The following SPDYE1 variants were observed in gnomAD, a reference collection of about 807,000 sequenced individuals.
SPDYE1 encodes the protein speedy protein E1.
In SPDYE1, 29 loss-of-function variants were observed where a neutral mutation model predicts 45.9. The observed-to-expected ratio is 0.63, with a 90% CI of 0.47 to 0.86. The LOEUF is 0.86. Among genes scored for constraint, SPDYE1 ranks in the 40% least tolerant of loss-of-function variants. The pLI is 0.00. For missense variants in SPDYE1, 346 were observed against 481.4 expected, an observed-to-expected ratio of 0.72 and a Z score of 2.63; for synonymous variants, 134 against 176.8, an observed-to-expected ratio of 0.76 and a Z score of 1.92.
Position 44,009,829 on chromosome 7 carries a change from G to A in SPDYE1, c.*1208G>A, listed in dbSNP as rs551582946. 61 of 151,500 alleles carry A rather than the reference G, an allele frequency of 4.0e-4. No homozygotes were observed. The highest frequency in any genetic ancestry group is 1.7e-3 in the South Asian group (8 of 4,810). The allele number at this position is 151,500 out of a possible 1,614,324, so 9.4% of individuals were successfully genotyped here. A position where few individuals can be genotyped will look rare whatever the true frequency, so the allele number is the denominator to read the frequency against. Reference sequence around the variant, plus strand: ...TCAATCTTTGTATCTATTATTACACGTGCTGCTGAAGGGAGCATGGTTTTT... The same window carrying A: ...TCAATCTTTGTATCTATTATTACACATGCTGCTGAAGGGAGCATGGTTTTT... On this transcript the variant is annotated 3_prime_UTR_variant, in exon 9 of 9. Transcript: ENST00000693451.
intron 6 of SPDYE1, chr7:44,005,484 C>A: frequency 1.9e-6 from 1 of 539,528 alleles, no homozygotes; most frequent in Non-Finnish European, 3.2e-6. Flanking sequence ...TCGAGACCAG[C>A]CTGGCCAACA....
chr7:44,005,201 C>T lies in SPDYE1; in HGVS notation c.726C>T (p.Tyr242=). Residue 242 remains tyrosine, a synonymous_variant, in exon 6 of 9, where the codon TAC becomes TAT. Coordinates refer to ENST00000693451, the MANE Select transcript of SPDYE1 (RefSeq NM_001378423.2). ...GAGCCGGCTTCCCCTCCTGGCAATACCAACGCCTTCATTTCTTCCTGGCTC... is the reference window on the plus strand; with the variant it reads ...GAGCCGGCTTCCCCTCCTGGCAATATCAACGCCTTCATTTCTTCCTGGCTC... ...FSRAGFPSWQ[Y]QRLHFFLALY... 1 of 1,612,026 alleles carries T rather than the reference C, an allele frequency of 6.2e-7. No homozygotes were observed. The highest frequency in any genetic ancestry group is 1.1e-5 in the South Asian group (1 of 90,990).
chr7:44,002,332 A>AAT (rs1554300930), intron 3 of SPDYE1, among the ~76,000 whole-genome samples: 1 of 134,322 alleles, frequency 7.4e-6, no homozygotes, highest in Non-Finnish European at 1.6e-5. Flanking sequence ...AAAAAAAAAA[A>AAT]AAAAAAAAGG....
At chr7:43,999,265 CT>C (rs1402749583) in intron 1 of SPDYE1, among the ~76,000 whole-genome samples, 1 of 152,112 alleles carries the variant, frequency 6.6e-6, no homozygotes, top group East Asian at 1.9e-4. Flanking sequence ...TCAAAATTGC[CT>C]TAGGGCAGAG....
Position 44,007,366 on chromosome 7 carries a change from G to T in SPDYE1, c.851G>T (p.Arg284Leu). The T allele has an allele frequency of 6.2e-7, 1 of 1,613,658 alleles. No homozygotes were observed. The highest frequency in any genetic ancestry group is 8.5e-7 in the Non-Finnish European group (1 of 1,179,976). The change falls in exon 7 of 9, where the codon CGT becomes CTT. Residue 284 changes from arginine to leucine, a missense_variant. Coordinates refer to ENST00000693451, the MANE Select transcript of SPDYE1 (RefSeq NM_001378423.2). ...AACCGCTCTCGCATACCCTTGCTCCGTAAGCGTCGGTTCCAGTTATACCGT... is the reference window on the plus strand; with the variant it reads ...AACCGCTCTCGCATACCCTTGCTCCTTAAGCGTCGGTTCCAGTTATACCGT... ...GKNRSRIPLL[R>L]KRRFQLYRSM...
rs780226780 is a variant in SPDYE1 at position 44,002,763 on chromosome 7, C to T, written c.553C>T (p.Arg185Trp). ...LCGLKMKLKR[R>W]RVSLVLPEHH... ...TGGCCTCAAGATGAAGCTGAAGCGA[C>T]GGCGAGTGTCGCTCGTGCTCCCTGA... The change falls in exon 4 of 9, where the codon CGG (arginine) becomes TGG (tryptophan). Residue 185 changes from arginine to tryptophan, a missense_variant. By Grantham distance (101) the Arg-to-Trp change is moderately radical. Coordinates refer to ENST00000693451, the MANE Select transcript of SPDYE1 (RefSeq NM_001378423.2). 4.0e-5 allele frequency: 62 copies of T among 1,565,534 alleles called. No homozygotes were observed. The highest frequency in any genetic ancestry group is 2.1e-5 in the Non-Finnish European group (25 of 1,167,230).
At position 44,002,797 on chromosome 7, in the gene SPDYE1, A is replaced by T; in HGVS notation, c.587A>T (p.Glu196Val). 1 of 1,530,714 alleles carries T rather than the reference A, an allele frequency of 6.5e-7. No homozygotes were observed. The highest frequency in any genetic ancestry group is 8.7e-7 in the Non-Finnish European group (1 of 1,151,658). 94.8% of individuals were successfully genotyped at this position (1,530,714 alleles called of 1,614,324 possible). ...TCGCTCGTGCTCCCTGAGCACCACG[A>T]GGCCTTCAACAGGCTGCTTGGTAGG... ...RVSLVLPEHH[E>V]AFNRLLEDPV... Residue 196 changes from glutamate (E) to valine (V), a missense_variant, in exon 4 of 9, where the codon GAG becomes GTG. By Grantham distance (121) the Glu-to-Val change is moderately radical. This residue lies in a region of SPDYE1 where 141 missense variants were observed against 176.7 expected (regional missense o/e 0.80). Coordinates refer to ENST00000693451, the MANE Select transcript of SPDYE1 (RefSeq NM_001378423.2).
rs781157098 is a variant in SPDYE1 at position 44,001,833 on chromosome 7, G to A, written c.379+549G>A. Among the ~76,000 whole-genome samples, 46 of 152,112 alleles carry A rather than the reference G, an allele frequency of 3.0e-4. 1 individual carries two copies. Among genetic ancestry groups the A allele is most frequent in the Non-Finnish European group, 3.7e-4 (25 of 67,994 alleles). ...GGCATGCCTGTTATCCCAGCTACTCGGGAGGCTGAGACAGGATAATCGCTT... is the reference window on the plus strand; with the variant it reads ...GGCATGCCTGTTATCCCAGCTACTCAGGAGGCTGAGACAGGATAATCGCTT... On this transcript the variant is annotated intron_variant, in intron 3 of 8. Coordinates refer to ENST00000693451, the MANE Select transcript of SPDYE1 (RefSeq NM_001378423.2).
intron 5 of SPDYE1, 47 bp from the exon 6 acceptor site, chr7:44,005,095 T>C: frequency 3.1e-6 from 5 of 1,600,058 alleles, no homozygotes; most frequent in Non-Finnish European, 4.3e-6. Flanking sequence ...AATCTTCCTC[T>C]TCCAAGATGT....
Position 44,007,713 on chromosome 7 carries a change from A to G in SPDYE1, c.1076A>G (p.Gln359Arg). The G allele has an allele frequency of 6.2e-7, 1 of 1,611,166 alleles. No individual in the cohort carries two copies. The highest frequency in any genetic ancestry group is 8.5e-7 in the Non-Finnish European group (1 of 1,179,390). Residue 359 changes from glutamine to arginine, a missense_variant, in exon 8 of 9, where the codon CAG (glutamine) becomes CGG (arginine). Physicochemically the swap from Gln to Arg is conservative, Grantham distance 43 (BLOSUM62 1). This residue lies in a region of SPDYE1 where 186 missense variants were observed against 219.1 expected (regional missense o/e 0.85). Transcript: ENST00000693451. ...WVSPEELEEI[Q>R]AYDPEHWVWA... is the part of the protein sequence containing the mutation. ...AAAGGGCGTTTGTTTTTCCAGATCC[A>G]GGCTTATGACCCAGAGCACTGGGTG...
chr7:44,001,390 A>G, intron 3 of SPDYE1, 106 bp downstream of exon 3: 1 of 1,545,132 alleles, frequency 6.5e-7, no homozygotes, highest in Non-Finnish European at 8.7e-7. Flanking sequence ...CCAGTGGGTG[A>G]GATCTCCACG....
chr7:43,997,994 T>C (rs1374858589), intron 1 of SPDYE1, among the ~76,000 whole-genome samples, 35 bp downstream of exon 1: 1 of 152,154 alleles, frequency 6.6e-6, no homozygotes, highest in Non-Finnish European at 1.5e-5. Context: ...CAAACCAGGC[T>C]TGAAGATGGG....
rs761461720 is a variant in SPDYE1 at position 44,005,209 on chromosome 7, T to G, written c.734T>G (p.Leu245Arg). ...AGFPSWQYQR[L>R]HFFLALYLAN... ...TTCCCCTCCTGGCAATACCAACGCC[T>G]TCATTTCTTCCTGGCTCTGTGAGTG... Residue 245 changes from leucine (L) to arginine (R), a missense_variant, in exon 6 of 9, where the codon CTT (leucine) becomes CGT (arginine). Leu to Arg is a moderately radical substitution (Grantham distance 102, BLOSUM62 -2). Transcript: ENST00000693451. 7 of 1,611,926 alleles carry G rather than the reference T, an allele frequency of 4.3e-6. No individual in the cohort carries two copies. In the East Asian group the frequency reaches 1.6e-4, roughly 36 times the overall value.
intron 2 of SPDYE1, 48 bp from the exon 3 acceptor site, chr7:44,001,018 G>T: frequency 6.3e-7 from 1 of 1,597,192 alleles, no homozygotes; most frequent in Non-Finnish European, 8.5e-7. Flanking sequence ...GGGGTCTAAG[G>T]TGATCAGATG....
chr7:44,006,904 G>A (rs150531329), intron 6 of SPDYE1, among the ~76,000 whole-genome samples: 1,674 of 152,300 alleles, frequency 0.011, 39 homozygotes, highest in African/African-American at 0.038. Flanking sequence ...ATGAGCCACC[G>A]TGTCTGGCAT....
chr7:44,000,262 A>G (rs1312732071), intron 2 of SPDYE1, among the ~76,000 whole-genome samples, 153 bp downstream of exon 2: 2 of 151,280 alleles, frequency 1.3e-5, no homozygotes, highest in Non-Finnish European at 2.9e-5. Context: ...AGCCTGGCCA[A>G]TATGGTGAAA....
chr7:44,008,001 G>A, intron 8 of SPDYE1, 188 bp downstream of exon 8: 1 of 1,446,404 alleles, frequency 6.9e-7, no homozygotes, highest in South Asian at 1.4e-5. Flanking sequence ...GGCCGAGGCG[G>A]GAGGATTGCT....
intron 5 of SPDYE1, chr7:44,004,189 C>T (rs2096068118): frequency 3.7e-6 from 2 of 546,882 alleles, no homozygotes; most frequent in Non-Finnish European, 6.6e-6. Flanking sequence ...CATGAACCAC[C>T]ACGCCTGGCT....
intron 6 of SPDYE1, 93 bp from the exon 7 acceptor site, chr7:44,007,175 A>C: frequency 6.2e-7 from 1 of 1,608,652 alleles, no homozygotes; most frequent in Non-Finnish European, 8.5e-7. Flanking sequence ...CTGAGCTAGG[A>C]ACGGTCCCTT....
Sources: gnomAD v4.1 joint callset for allele counts (sites outside exome capture counted in the v4.1 genomes callset) on GRCh38, gnomAD v4.1.1 for gene constraint, gnomAD v4.1.1 regional missense constraint, MANE v1.5 for transcripts, NCBI Gene and HGNC (gene_info 2026-07-23, HGNC 2026-07-21) for gene names.